THADA: variants seen among roughly 807,000 people sequenced by gnomAD.
THADA encodes the protein tRNA (32-2'-O)-methyltransferase regulator THADA.
Under a neutral mutation model 219.8 loss-of-function variants are expected in THADA, and 213 were observed. That is an observed-to-expected ratio of 0.97 (90% CI 0.87 to 1.09). The LOEUF is 1.09. Among genes scored for constraint, THADA ranks in the 50% least tolerant of loss-of-function variants. The pLI is 0.00. For missense variants in THADA, 2,956 were observed against 2,311.3 expected (o/e 1.28, Z -5.72); for synonymous variants, 1,018 against 828.9 (o/e 1.23, Z -3.92).
intron 31 of THADA, among the ~76,000 whole-genome samples, chr2:43,307,083 TAAAC>T (rs1265339079): frequency 1.3e-5 from 2 of 152,214 alleles, no homozygotes; most frequent in African/African-American, 2.4e-5. Context: ...CCTTCCACCA[TAAAC>T]AATTAGAAAA....
At chr2:43,403,205 C>G (rs530708957) in intron 28 of THADA, among the ~76,000 whole-genome samples, 2 of 152,262 alleles carry the variant, frequency 1.3e-5, no homozygotes, top group South Asian at 4.1e-4. Flanking sequence ...GACTTTACAA[C>G]GCAGTTGCCT....
intron 22 of THADA, among the ~76,000 whole-genome samples, chr2:43,514,059 C>G (rs1394373182): frequency 6.1e-5 from 9 of 147,258 alleles, no homozygotes; most frequent in Middle Eastern, 3.5e-3. Flanking sequence ...GACACTGTCC[C>G]TTAAAAAAAA....
intron 17 of THADA, among the ~76,000 whole-genome samples, chr2:43,554,610 T>C (rs1009497075): frequency 6.6e-6 from 1 of 152,142 alleles, no homozygotes; most frequent in African/African-American, 2.4e-5. Flanking sequence ...CACAATGAGA[T>C]ATCGTTTTAT....
At chr2:43,591,060 C>A in intron 3 of THADA, 106 bp from the exon 4 acceptor site, 2 of 1,046,442 alleles carry the variant, frequency 1.9e-6, no homozygotes, top group Non-Finnish European at 2.7e-6. Context: ...GTGGCTCACC[C>A]CTGTAATCCC....
intron 35 of THADA, among the ~76,000 whole-genome samples, chr2:43,282,287 C>A (rs1673452220): frequency 6.6e-6 from 1 of 152,172 alleles, no homozygotes; most frequent in Non-Finnish European, 1.5e-5. Context: ...CACAGAAGGT[C>A]CCTTCTCAAT....
At chr2:43,246,866 C>T (rs1184436267) in intron 36 of THADA, among the ~76,000 whole-genome samples, 2 of 152,130 alleles carry the variant, frequency 1.3e-5, no homozygotes, top group East Asian at 3.9e-4. Flanking sequence ...CTGACATGGC[C>T]CTAGGCTGAC....
intron 30 of THADA, among the ~76,000 whole-genome samples, chr2:43,323,441 C>G (rs1678979614): frequency 6.6e-6 from 1 of 152,220 alleles, no homozygotes; most frequent in South Asian, 2.1e-4. Flanking sequence ...TGCTGTTACT[C>G]TTCCATCCAC....
At chr2:43,441,484 A>G (rs147335225) in intron 26 of THADA, among the ~76,000 whole-genome samples, 286 of 152,320 alleles carry the variant, frequency 1.9e-3, no homozygotes, top group African/African-American at 6.7e-3. Flanking sequence ...CAATAGGTAG[A>G]GGGTAGGAGA....
At chr2:43,404,424 C>A (rs1441118593) in intron 28 of THADA, among the ~76,000 whole-genome samples, 1 of 149,734 alleles carries the variant, frequency 6.7e-6, no homozygotes, top group African/African-American at 2.5e-5. Context: ...TACACCTGGC[C>A]TGAAGTGCTC....
intron 22 of THADA, among the ~76,000 whole-genome samples, chr2:43,516,672 G>C (rs1691765440): frequency 6.6e-6 from 1 of 152,138 alleles, no homozygotes; most frequent in Non-Finnish European, 1.5e-5. Context: ...GTGGCAGAGG[G>C]AGAATTAAAA....
At chr2:43,501,098 G>C (rs1223941461) in intron 24 of THADA, among the ~76,000 whole-genome samples, 1 of 151,894 alleles carries the variant, frequency 6.6e-6, no homozygotes, top group African/African-American at 2.4e-5. Context: ...CTGAGGTCAG[G>C]AGTTCAAAAC....
intron 36 of THADA, among the ~76,000 whole-genome samples, chr2:43,236,318 T>C (rs1245212350): frequency 6.6e-6 from 1 of 152,164 alleles, no homozygotes; most frequent in Non-Finnish European, 1.5e-5. Context: ...TGAGTTGGAT[T>C]TAGATCTCCT....
chr2:43,330,943 C>T (rs577916460), intron 30 of THADA, among the ~76,000 whole-genome samples: 4 of 152,318 alleles, frequency 2.6e-5, no homozygotes, highest in African/African-American at 9.6e-5. Flanking sequence ...GAAGAAGTCG[C>T]CTGCCCCCGT....
Position 43,286,801 on chromosome 2 carries a change from G to C in THADA, c.5164+107C>G, listed in dbSNP as rs761883915. 7.2e-6 allele frequency: 9 copies of C among 1,258,048 alleles called. No individual in the cohort carries two copies. The East Asian group carries it at 2.1e-4, about 30-fold the overall frequency. The allele number at this position is 1,258,048 out of a possible 1,614,324, so 77.9% of individuals were successfully genotyped here. ...TAGGAATATAACTGAAAGACATAAAGGCAGGTGTCATGTTGCCATCTTTCA... is the reference window on the plus strand; with the variant it reads ...TAGGAATATAACTGAAAGACATAAACGCAGGTGTCATGTTGCCATCTTTCA... On this transcript the variant is annotated intron_variant, in intron 35 of 37. Coordinates refer to ENST00000405975, the MANE Select transcript of THADA (RefSeq NM_022065.5).
At chr2:43,520,816 T>G (rs1416713153) in intron 22 of THADA, among the ~76,000 whole-genome samples, 1 of 151,644 alleles carries the variant, frequency 6.6e-6, no homozygotes, top group Non-Finnish European at 1.5e-5. Context: ...GTATCCAGCT[T>G]CCCTCAGTCT....
intron 27 of THADA, among the ~76,000 whole-genome samples, chr2:43,429,303 C>T (rs529736894): frequency 3.9e-5 from 6 of 152,144 alleles, no homozygotes; most frequent in South Asian, 2.1e-4. Context: ...GACAGGGTTT[C>T]GCCATGCTGG....
intron 29 of THADA, among the ~76,000 whole-genome samples, chr2:43,362,824 T>A (rs959889405): frequency 1.3e-5 from 2 of 152,222 alleles, no homozygotes; most frequent in Non-Finnish European, 2.9e-5. Context: ...CTATAAAAAA[T>A]AATTTCTTTA....
chr2:43,248,160 TATATAGAGAGAGAGAGAGAGAG>T (rs1318462679), intron 36 of THADA, among the ~76,000 whole-genome samples: 1,503 of 52,386 alleles, frequency 0.029, 2 homozygotes, highest in African/African-American at 0.036. Flanking sequence ...TATATATATA[TATATAGAGAGAGAGAGAGAGAG>T]AGAGAGAGAG....
At position 43,333,754 on chromosome 2, in the gene THADA, C is replaced by T. The variant is rs145552654; in HGVS notation, c.4343+10368G>A. On this transcript the variant is annotated intron_variant, in intron 30 of 37. Coordinates refer to ENST00000405975, the MANE Select transcript of THADA (RefSeq NM_022065.5). ...TCATCCTGGACTGGATTCATTTCAA[C>T]GGCATGGAAGTGAAACAGCAACTTG... 8.7e-3 allele frequency among the ~76,000 whole-genome samples: 1,319 copies of T among 152,226 alleles called. 18 individuals are homozygous for T. The highest frequency in any genetic ancestry group is 0.029 in the African/African-American group (1,220 of 41,526).
Sources: allele counts gnomAD v4.1 joint callset (sites outside exome capture counted in the v4.1 genomes callset), GRCh38; gene constraint gnomAD v4.1.1; transcripts MANE v1.5; gene names NCBI Gene and HGNC (gene_info 2026-07-23, HGNC 2026-07-21).